Variants in CSMD1 observed in about 807,000 individuals in gnomAD.
CSMD1 encodes the protein CUB and Sushi multiple domains 1, also known as CUB and sushi domain-containing protein 1.
CSMD1 carries 213 observed loss-of-function variants against 417.5 expected under a neutral mutation model. The observed-to-expected ratio is 0.51, with a 90% CI of 0.46 to 0.57. The LOEUF is 0.57. Ranked by LOEUF, CSMD1 falls within the 20% of genes least tolerant of loss-of-function variation. The pLI is 0.00. For missense variants in CSMD1, 6,923 were observed against 4,529.7 expected (o/e 1.53, Z -15.17); for synonymous variants, 2,862 against 1,736.8 (o/e 1.65, Z -16.11).
chr8:4,374,790 G>A (rs914167342), intron 3 of CSMD1, among the ~76,000 whole-genome samples: 3 of 152,098 alleles, frequency 2.0e-5, no homozygotes, highest in Admixed American at 1.3e-4. Flanking sequence ...GCTCTAGGAT[G>A]GCCCAGGAGA....
intron 5 of CSMD1, among the ~76,000 whole-genome samples, chr8:3,914,758 G>A (rs1325139094): frequency 1.3e-5 from 2 of 150,964 alleles, no homozygotes; most frequent in Non-Finnish European, 2.9e-5. Flanking sequence ...ATCTGTCTTT[G>A]CTCATTCTTC....
In CSMD1 at chr8:2,961,168, T is replaced by C; in HGVS notation, c.9675A>G (p.Gly3225=). The change falls in exon 62 of 70, where the codon GGA becomes GGG. Residue 3225 remains glycine (G), a synonymous_variant. Transcript: ENST00000635120. ...TCPDPGTPHF[G]IQNSSRGYEV... ...CATAGCCTCTGGAGCTATTCTGTAT[T>C]CCAAAGTGTGGCGTACCAGGGTCTG... 6.2e-7 allele frequency: 1 copy of C among 1,603,342 alleles called. No homozygotes were observed.
At chr8:4,880,691 G>A (rs977482835) in intron 1 of CSMD1, among the ~76,000 whole-genome samples, 1 of 152,010 alleles carries the variant, frequency 6.6e-6, no homozygotes, top group African/African-American at 2.4e-5. Flanking sequence ...TGCCGTGCCT[G>A]TTCTGCCCAT....
intron 10 of CSMD1, among the ~76,000 whole-genome samples, chr8:3,513,233 C>G (rs896265736): frequency 6.6e-6 from 1 of 151,906 alleles, no homozygotes; most frequent in Non-Finnish European, 1.5e-5. Context: ...TTTAATAAAT[C>G]CCCTAGTTTT....
rs188808285 is a variant in CSMD1 at position 4,315,729 on chromosome 8, C to T, written c.415+104224G>A. On this transcript the variant is annotated intron_variant, in intron 3 of 69. Coordinates refer to ENST00000635120, the MANE Select transcript of CSMD1 (RefSeq NM_033225.6). ...ATTTGTAGGTATAGATTGAGCTGTG[C>T]AAAAAAGAAACTGAATGAAAGCAAC... Among the ~76,000 whole-genome samples, 719 of 152,134 alleles carry T rather than the reference C, an allele frequency of 4.7e-3. 2 individuals carry two copies. The highest frequency in any genetic ancestry group is 8.1e-3 in the Non-Finnish European group (553 of 67,988).
chr8:3,181,766 G>C (rs1821343077), intron 36 of CSMD1, among the ~76,000 whole-genome samples: 2 of 152,126 alleles, frequency 1.3e-5, no homozygotes, highest in Admixed American at 1.3e-4. Context: ...GGGCTATTTT[G>C]ACATAGTGAT....
At chr8:3,169,865 T>A (rs1287346499) in intron 37 of CSMD1, among the ~76,000 whole-genome samples, 1 of 152,262 alleles carries the variant, frequency 6.6e-6, no homozygotes, top group East Asian at 1.9e-4. Flanking sequence ...CAGCCCCAGC[T>A]CACATTCCTT....
intron 4 of CSMD1, among the ~76,000 whole-genome samples, chr8:4,027,472 G>A (rs1451838885): frequency 6.6e-6 from 1 of 152,188 alleles, no homozygotes; most frequent in Non-Finnish European, 1.5e-5. Context: ...CAGTGGGTGA[G>A]TTCTCATGAG....
chr8:3,155,358 G>GGTTTTTTTTTTTTTTTTTTTTT (rs763097673), intron 39 of CSMD1, among the ~76,000 whole-genome samples: 1 of 48,092 alleles, frequency 2.1e-5, no homozygotes, highest in Admixed American at 3.5e-4. Context: ...TCAAGGCTGG[G>GGTTTTTTTTTTTTTTTTTTTTT]ATTTTTTTTT....
At chr8:4,992,864 G>C (rs1347319510) in intron 1 of CSMD1, among the ~76,000 whole-genome samples, 3 of 152,190 alleles carry the variant, frequency 2.0e-5, no homozygotes, top group Non-Finnish European at 4.4e-5. Context: ...AAGACCCACT[G>C]TTTGCGATCC....
chr8:3,106,294 G>A (rs1816136315), intron 46 of CSMD1, among the ~76,000 whole-genome samples: 1 of 151,992 alleles, frequency 6.6e-6, no homozygotes, highest in Non-Finnish European at 1.5e-5. Flanking sequence ...TTACTCAGGA[G>A]GCTGAGGCAG....
At chr8:3,613,988 G>C (rs1802017610) in intron 8 of CSMD1, among the ~76,000 whole-genome samples, 2 of 151,694 alleles carry the variant, frequency 1.3e-5, no homozygotes, top group South Asian at 4.2e-4. Flanking sequence ...TTTATTTGTA[G>C]ATAACAAAAT....
chr8:3,307,533 A>T (rs570721860), intron 25 of CSMD1, among the ~76,000 whole-genome samples, 162 bp downstream of exon 25: 3 of 152,370 alleles, frequency 2.0e-5, no homozygotes, highest in African/African-American at 7.2e-5. Flanking sequence ...GGCAACAGCA[A>T]AGTAAGCAAG....
intron 5 of CSMD1, among the ~76,000 whole-genome samples, chr8:3,866,322 A>G (rs537685769): frequency 6.6e-6 from 1 of 152,306 alleles, no homozygotes; most frequent in South Asian, 2.1e-4. Context: ...GGCTGGCTGA[A>G]CCCTGGGGAT....
intron 3 of CSMD1, among the ~76,000 whole-genome samples, chr8:4,203,828 C>T (rs899427900): frequency 8.5e-5 from 13 of 152,214 alleles, no homozygotes; most frequent in African/African-American, 2.9e-4. Flanking sequence ...GGTCAGGAGT[C>T]ATGGCTCATA....
At chr8:4,923,905 T>C (rs1041424403) in intron 1 of CSMD1, among the ~76,000 whole-genome samples, 2 of 152,210 alleles carry the variant, frequency 1.3e-5, no homozygotes, top group African/African-American at 4.8e-5. Context: ...ATAGGTTTCT[T>C]TGGTTTGGGT....
chr8:4,608,722 G>A (rs1801011140), intron 2 of CSMD1, among the ~76,000 whole-genome samples: 1 of 152,196 alleles, frequency 6.6e-6, no homozygotes, highest in Admixed American at 6.5e-5. Context: ...TTTCAGAAGT[G>A]AAGTCTGTGA....
intron 3 of CSMD1, among the ~76,000 whole-genome samples, chr8:4,163,883 C>G (rs1373824909): frequency 6.6e-6 from 1 of 152,056 alleles, no homozygotes; most frequent in Admixed American, 6.6e-5. Flanking sequence ...AAGAGAAACA[C>G]TGGGTTTGAA....
At chr8:3,037,847 G>A (rs1259537357) in intron 50 of CSMD1, among the ~76,000 whole-genome samples, 1 of 152,134 alleles carries the variant, frequency 6.6e-6, no homozygotes, top group African/African-American at 2.4e-5. Context: ...AAGGTCTCAA[G>A]GCATTAAGTT....
Sources: gnomAD v4.1 joint callset for allele counts (sites outside exome capture counted in the v4.1 genomes callset) on GRCh38, gnomAD v4.1.1 for gene constraint, MANE v1.5 for transcripts, NCBI Gene and HGNC (gene_info 2026-07-23, HGNC 2026-07-21) for gene names.